Variants in IWS1 observed in about 807,000 individuals in gnomAD.
The protein encoded by IWS1 is interacts with SUPT6H, CTD assembly factor 1.
In IWS1, 27 loss-of-function variants were observed where a neutral mutation model predicts 86.7. That is an observed-to-expected ratio of 0.31 (90% confidence interval 0.23 to 0.43). IWS1 has a LOEUF of 0.43. Ranked by LOEUF, IWS1 falls within the 20% of genes least tolerant of loss-of-function variation. The pLI is 1.00. For synonymous variants in IWS1, 313 were observed against 335.1 expected, an observed-to-expected ratio of 0.93 and a Z score of 0.72; for missense variants, 827 against 1,000.8, an observed-to-expected ratio of 0.83 and a Z score of 2.34.
intron 5 of IWS1, among the ~76,000 whole-genome samples, chr2:127,502,338 C>T (rs1690866351): frequency 6.6e-6 from 1 of 152,226 alleles, no homozygotes; most frequent in Non-Finnish European, 1.5e-5. Flanking sequence ...CTCAGCCTGA[C>T]AGGCAAACAC....
Position 127,484,054 on chromosome 2 carries a change from A to T in IWS1, c.2328+2499T>A, listed in dbSNP as rs143026244. 4.6e-3 allele frequency among the ~76,000 whole-genome samples: 701 copies of T among 152,344 alleles called. 7 individuals carry two copies. The highest frequency in any genetic ancestry group is 0.016 in the African/African-American group (675 of 41,586). Reference sequence around the variant, plus strand: ...CATGGTGGCTCACACCTGTAATCCCAGCACTTTGGGAGGCCGAGGCGGGCA... The same window carrying T: ...CATGGTGGCTCACACCTGTAATCCCTGCACTTTGGGAGGCCGAGGCGGGCA... On this transcript the variant is annotated intron_variant, in intron 13 of 13. Transcript: ENST00000295321.
intron 1 of IWS1, among the ~76,000 whole-genome samples, chr2:127,524,777 A>G (rs1030197688): frequency 1.3e-5 from 2 of 152,128 alleles, no homozygotes; most frequent in East Asian, 3.9e-4. Flanking sequence ...TCCTGACCTC[A>G]GGTGTTTGCC....
intron 2 of IWS1, among the ~76,000 whole-genome samples, chr2:127,513,043 C>T (rs1691558785): frequency 6.6e-6 from 1 of 152,194 alleles, no homozygotes; most frequent in Non-Finnish European, 1.5e-5. Flanking sequence ...GAGTTCAAGA[C>T]CAGCCTGGCC....
At chr2:127,494,203 T>A (rs1305498754) in intron 8 of IWS1, among the ~76,000 whole-genome samples, 2 of 147,006 alleles carry the variant, frequency 1.4e-5, no homozygotes, top group Non-Finnish European at 3.0e-5. Context: ...GCCCAGGAGT[T>A]CGAGACCAGC....
rs145483903 is a variant in IWS1, at chr2:127,520,886, C to T, written c.150+2790G>A. 2.8e-4 allele frequency among the ~76,000 whole-genome samples: 43 copies of T among 152,268 alleles called. No individual in the cohort carries two copies. The Middle Eastern group carries it at 0.017, about 60-fold the overall frequency. ...GTGATGCTGCATCCATATTGTGAAA[C>T]CATTAAACATTACGCTTATTGAGAA... On this transcript the variant is annotated intron_variant, in intron 2 of 13. Coordinates refer to ENST00000295321, the MANE Select transcript of IWS1 (RefSeq NM_017969.3).
At chr2:127,510,008 G>A (rs995141099) in intron 2 of IWS1, among the ~76,000 whole-genome samples, 2 of 152,072 alleles carry the variant, frequency 1.3e-5, no homozygotes, top group African/African-American at 4.8e-5. Flanking sequence ...AAATAACTCA[G>A]GACACTTTGT....
chr2:127,501,572 A>G (rs192332345), intron 5 of IWS1, among the ~76,000 whole-genome samples: 27 of 152,046 alleles, frequency 1.8e-4, no homozygotes, highest in Non-Finnish European at 2.5e-4. Context: ...TGTATAGTCT[A>G]TATCTTTTCC....
intron 2 of IWS1, among the ~76,000 whole-genome samples, chr2:127,512,598 T>C (rs1691530296): frequency 6.6e-6 from 1 of 152,242 alleles, no homozygotes; most frequent in Non-Finnish European, 1.5e-5. Context: ...CTCTTCTAGC[T>C]AGACAGAATT....
chr2:127,504,843 G>A lies in IWS1; in HGVS notation c.1060C>T (p.His354Tyr). 6 of 1,614,014 alleles carry A rather than the reference G, an allele frequency of 3.7e-6. No individual in the cohort carries two copies. The highest frequency in any genetic ancestry group is 5.1e-6 in the Non-Finnish European group (6 of 1,179,998). Residue 354 changes from histidine to tyrosine, a missense_variant, in exon 3 of 14, where the codon CAT (histidine) becomes TAT (tyrosine). By Grantham distance (83) the His-to-Tyr change is moderately conservative. Transcript: ENST00000295321. ...MQNDSFHSDS[H>Y]MDRKKFHSSD... ...CTGTGAAACTTTTTTCTGTCCATAT[G>A]GCTGTCTGAATGGAAGGAGTCATTC... is the stretch of plus-strand genomic sequence containing the variant.
At chr2:127,521,703 C>T (rs1413126827) in intron 2 of IWS1, among the ~76,000 whole-genome samples, 1 of 152,156 alleles carries the variant, frequency 6.6e-6, no homozygotes, top group Non-Finnish European at 1.5e-5. Context: ...TATGGGTACT[C>T]AAAGTATACA....
At chr2:127,519,316 G>A (rs571017936) in intron 2 of IWS1, among the ~76,000 whole-genome samples, 17 of 152,076 alleles carry the variant, frequency 1.1e-4, no homozygotes, top group African/African-American at 4.1e-4. Flanking sequence ...TCACCTGTCT[G>A]AGATTATTTA....
intron 12 of IWS1, 48 bp from the exon 13 acceptor site, chr2:127,486,712 G>C: frequency 7.0e-7 from 1 of 1,429,684 alleles, no homozygotes; most frequent in Non-Finnish European, 9.9e-7. Context: ...GCCAGCCACA[G>C]TGGGGCACAT....
intron 2 of IWS1, among the ~76,000 whole-genome samples, chr2:127,512,989 C>T (rs1040648596): frequency 6.6e-6 from 1 of 152,154 alleles, no homozygotes; most frequent in Non-Finnish European, 1.5e-5. Context: ...CCCATAAAAC[C>T]CAGCACTTTG....
intron 7 of IWS1, among the ~76,000 whole-genome samples, chr2:127,495,219 T>G (rs1690452090): frequency 1.3e-5 from 2 of 152,152 alleles, no homozygotes; most frequent in African/African-American, 4.8e-5. Flanking sequence ...AGCATAACTG[T>G]CAAATTTTCA....
chr2:127,488,959 T>C (rs1045782443), intron 12 of IWS1, among the ~76,000 whole-genome samples: 3 of 152,334 alleles, frequency 2.0e-5, no homozygotes, highest in South Asian at 2.1e-4. Context: ...GTCTAGCACT[T>C]AGCAAACAGC....
At chr2:127,490,578 G>C (rs963594417) in intron 10 of IWS1, among the ~76,000 whole-genome samples, 2 of 152,144 alleles carry the variant, frequency 1.3e-5, no homozygotes, top group Admixed American at 6.5e-5. Flanking sequence ...AAACAAGAAA[G>C]GACCTTTATA....
intron 6 of IWS1, 73 bp downstream of exon 6, chr2:127,498,063 AAAAC>A: frequency 8.6e-7 from 1 of 1,164,276 alleles, no homozygotes; most frequent in South Asian, 1.4e-5. Flanking sequence ...ACCAAAATGA[AAAAC>A]AAAAGAGAGT....
rs760716102 is a variant in IWS1 at position 127,486,629 on chromosome 2, C to T, written c.2252G>A (p.Arg751His). 3 of 1,613,894 alleles carry T rather than the reference C, an allele frequency of 1.9e-6. No homozygotes were observed. Among genetic ancestry groups the T allele is most frequent in the African/African-American group, 1.3e-5 (1 of 74,914 alleles). ...GTTTGAAGGCATTGGGACCCTTGCA[C>T]GGGCACAGAATCCAGGATCTCCAGG... ...LRPGDPGFCA[R>H]ARVPMPSNKD... Residue 751 changes from arginine (R) to histidine (H), a missense_variant, in exon 13 of 14, where the codon CGT (arginine) becomes CAT (histidine). Around this residue, in one of 2 missense-constraint regions of IWS1, gnomAD observed 279 missense variants for 440.6 expected, o/e 0.63. Coordinates refer to ENST00000295321, the MANE Select transcript of IWS1 (RefSeq NM_017969.3).
Position 127,523,057 on chromosome 2 carries a change from A to T in IWS1, c.150+619T>A, listed in dbSNP as rs1008044019. Among the ~76,000 whole-genome samples, 3 of 152,124 alleles carry T rather than the reference A, an allele frequency of 2.0e-5. 1 individual carries two copies. Among genetic ancestry groups the T allele is most frequent in the Non-Finnish European group, 4.4e-5 (3 of 68,014 alleles). On this transcript the variant is annotated intron_variant, in intron 2 of 13. Coordinates refer to ENST00000295321, the MANE Select transcript of IWS1 (RefSeq NM_017969.3). ...AAACCCCATCTCTACCAAGAAAACA[A>T]AAATAGCTGGACGTGGTGGCCTGTG...
Sources: allele counts gnomAD v4.1 joint callset (sites outside exome capture counted in the v4.1 genomes callset), GRCh38; gene constraint gnomAD v4.1.1; regional missense constraint gnomAD v4.1.1; transcripts MANE v1.5; gene names NCBI Gene and HGNC (gene_info 2026-07-23, HGNC 2026-07-21).